The following LIN7A variants were observed in gnomAD, a reference collection of about 807,000 sequenced individuals.
LIN7A encodes protein lin-7 homolog A.
A neutral mutation model predicts 29.8 loss-of-function variants in LIN7A; 25 were observed. The observed-to-expected ratio is 0.84, with a 90% CI of 0.61 to 1.17. The LOEUF (loss-of-function observed/expected upper bound fraction) is 1.17, where lower values mean the gene tolerates loss of function less well. Among genes scored for constraint, LIN7A ranks in the 50% most tolerant of loss-of-function variants. The probability of loss-of-function intolerance (pLI) is 0.00; values close to 1 mark genes in which losing one functional copy is unlikely to be tolerated. For missense variants in LIN7A, 239 were observed against 287.0 expected (o/e 0.83, Z 1.21); for synonymous variants, 118 against 107.5 (o/e 1.10, Z -0.60).
intron 2 of LIN7A, among the ~76,000 whole-genome samples, chr12:80,870,021 A>T (rs1276449637): frequency 6.6e-6 from 1 of 152,186 alleles, no homozygotes; most frequent in Non-Finnish European, 1.5e-5. Context: ...TAAAAGAAAG[A>T]TATGGTATAT....
At chr12:80,839,195 A>G (rs1872703873) in intron 4 of LIN7A, among the ~76,000 whole-genome samples, 1 of 152,204 alleles carries the variant, frequency 6.6e-6, no homozygotes, top group Non-Finnish European at 1.5e-5. Flanking sequence ...TTGTACATGA[A>G]AGTACTAATT....
intron 4 of LIN7A, among the ~76,000 whole-genome samples, chr12:80,820,211 T>C (rs1188279275): frequency 6.6e-6 from 1 of 152,086 alleles, no homozygotes; most frequent in Non-Finnish European, 1.5e-5. Context: ...ATGCATAATG[T>C]GAGGGAACTT....
chr12:80,811,408 T>TG, intron 5 of LIN7A, 57 bp downstream of exon 5: 2 of 693,028 alleles, frequency 2.9e-6, no homozygotes, highest in Non-Finnish European at 5.3e-6. Context: ...TATATACATA[T>TG]ATGTGTGTGT....
At chr12:80,927,326 T>C (rs181176105) in intron 1 of LIN7A, among the ~76,000 whole-genome samples, 1 of 151,932 alleles carries the variant, frequency 6.6e-6, no homozygotes, top group Non-Finnish European at 1.5e-5. Context: ...CGCGCCCAGC[T>C]AATTTTTTGT....
chr12:80,911,341 C>T (rs893276581), intron 1 of LIN7A, among the ~76,000 whole-genome samples: 2 of 146,052 alleles, frequency 1.4e-5, no homozygotes, highest in African/African-American at 5.1e-5. Context: ...GACATGAGCT[C>T]CTAGGCTAAA....
At chr12:80,847,970 A>G (rs1873155015) in intron 3 of LIN7A, 1 of 485,858 alleles carries the variant, frequency 2.1e-6, no homozygotes, top group Non-Finnish European at 3.8e-6. Context: ...AAAATCATAT[A>G]GTATTTCACA....
At chr12:80,853,638 TTA>T (rs1873442721) in intron 2 of LIN7A, among the ~76,000 whole-genome samples, 1 of 59,684 alleles carries the variant, frequency 1.7e-5, no homozygotes, top group Admixed American at 2.0e-4. Flanking sequence ...AATGTGTAGG[TTA>T]AAAAAAAAAA....
chr12:80,809,797 C>T (rs1481902400), intron 5 of LIN7A, among the ~76,000 whole-genome samples: 4 of 152,032 alleles, frequency 2.6e-5, no homozygotes, highest in Non-Finnish European at 5.9e-5. Context: ...TTCTTTGTTA[C>T]AAAGTGGAAT....
chr12:80,811,413 GTGTGTGTA>G (rs1871280011), intron 5 of LIN7A, 44 bp downstream of exon 5: 35 of 702,646 alleles, frequency 5.0e-5, no homozygotes, highest in Admixed American at 8.5e-5. Flanking sequence ...ACATATATGT[GTGTGTGTA>G]TATATATATA....
intron 5 of LIN7A, among the ~76,000 whole-genome samples, chr12:80,801,058 A>G (rs1166420263): frequency 8.5e-6 from 1 of 117,406 alleles, no homozygotes; most frequent in Non-Finnish European, 1.8e-5. Flanking sequence ...ATGAGTGAAA[A>G]TAAGCATATA....
intron 4 of LIN7A, among the ~76,000 whole-genome samples, chr12:80,829,729 A>T (rs1872253460): frequency 6.6e-6 from 1 of 152,158 alleles, no homozygotes; most frequent in South Asian, 2.1e-4. Context: ...CTTTGGTACA[A>T]TTACTGTTGA....
chr12:80,829,062 A>G (rs1872220099), intron 4 of LIN7A, among the ~76,000 whole-genome samples: 1 of 152,214 alleles, frequency 6.6e-6, no homozygotes, highest in South Asian at 2.1e-4. Flanking sequence ...GGATCATGAG[A>G]GGAAAGGTCA....
At chr12:80,861,070 C>G (rs1170964185) in intron 2 of LIN7A, 3 of 152,336 alleles carry the variant, frequency 2.0e-5, no homozygotes, top group Non-Finnish European at 4.4e-5. Context: ...CTTAATGTAA[C>G]TGCTGAGCCT....
chr12:80,908,772 G>A (rs935280340), intron 1 of LIN7A, among the ~76,000 whole-genome samples: 1 of 151,372 alleles, frequency 6.6e-6, no homozygotes, highest in African/African-American at 2.4e-5. Flanking sequence ...ATGCTTATTT[G>A]TCACCTGTAT....
intron 4 of LIN7A, chr12:80,832,756 G>GT: frequency 2.5e-6 from 1 of 395,764 alleles, no homozygotes. Flanking sequence ...AGTGTACAAT[G>GT]TGTGCATTTT....
chr12:80,851,988 A>G (rs913450514), intron 2 of LIN7A, among the ~76,000 whole-genome samples: 13 of 152,278 alleles, frequency 8.5e-5, no homozygotes, highest in Non-Finnish European at 5.9e-5. Context: ...TTGGTTCAGA[A>G]AGTTCATTTA....
intron 2 of LIN7A, among the ~76,000 whole-genome samples, chr12:80,870,574 A>C (rs952993770): frequency 6.6e-6 from 1 of 152,204 alleles, no homozygotes; most frequent in Non-Finnish European, 1.5e-5. Context: ...GGAGGACTGA[A>C]TAAATGTTCC....
At position 80,841,247 on chromosome 12, in the gene LIN7A, T is replaced by C. The variant is rs1430187873; in HGVS notation, c.483+4483A>G. Among the ~76,000 whole-genome samples the C allele has an allele frequency of 3.2e-4, 48 of 150,000 alleles. 1 individual carries two copies. In the Admixed American group the frequency reaches 3.2e-3, roughly 10 times the overall value. ...CAGAGGTTGCAGTGAGCTGAGATCA[T>C]ACCACTGCACTCCAGCCTGGGCGAC... On this transcript the variant is annotated intron_variant, in intron 4 of 5. Coordinates refer to ENST00000552864, the MANE Select transcript of LIN7A (RefSeq NM_004664.4).
chr12:80,932,296 C>G (rs974043244), intron 1 of LIN7A, among the ~76,000 whole-genome samples: 2 of 152,140 alleles, frequency 1.3e-5, no homozygotes, highest in Admixed American at 6.5e-5. Flanking sequence ...TTGAAATCCA[C>G]AAAATAAAAG....
Sources: allele counts gnomAD v4.1 joint callset (sites outside exome capture counted in the v4.1 genomes callset), GRCh38; gene constraint gnomAD v4.1.1; transcripts MANE v1.5; gene names NCBI Gene and HGNC (gene_info 2026-07-23, HGNC 2026-07-21).